The following CFAP54 variants were observed in gnomAD, a reference collection of about 807,000 sequenced individuals.
The protein encoded by CFAP54 is cilia and flagella associated protein 54.
In CFAP54, 290 loss-of-function variants were observed where a neutral mutation model predicts 370.4. That is an observed-to-expected ratio of 0.78 (90% CI 0.71 to 0.86). CFAP54 has a LOEUF of 0.86. CFAP54 is among the 40% of genes least tolerant of loss of function. The pLI, the probability that CFAP54 is intolerant of heterozygous loss-of-function variation, is 0.00. For synonymous variants in CFAP54, 1,206 were observed against 1,236.5 expected, an observed-to-expected ratio of 0.98 and a Z score of 0.52; for missense variants, 3,399 against 3,528.7, an observed-to-expected ratio of 0.96 and a Z score of 0.93.
At chr12:96,699,907 C>T (rs923090153) in intron 45 of CFAP54, 64 bp from the exon 46 acceptor site, 70 of 1,348,630 alleles carry the variant, frequency 5.2e-5, no homozygotes, top group Non-Finnish European at 6.7e-5. Flanking sequence ...TTTCTCTATA[C>T]TTTTGTTTTC....
chr12:96,613,626 A>C (rs1038582046), intron 26 of CFAP54, among the ~76,000 whole-genome samples: 4 of 152,218 alleles, frequency 2.6e-5, no homozygotes, highest in Non-Finnish European at 4.4e-5. Flanking sequence ...CACTACCAAG[A>C]CTAATAAAGA....
Position 96,817,869 on chromosome 12 carries a change from T to C in CFAP54, c.9052T>C (p.Tyr3018His), listed in dbSNP as rs1313302484. 1.3e-6 allele frequency: 2 copies of C among 1,511,332 alleles called. No individual in the cohort carries two copies. Among genetic ancestry groups the C allele is most frequent in the South Asian group, 1.2e-5 (1 of 80,412 alleles). 93.6% of individuals were successfully genotyped at this position (1,511,332 alleles called of 1,614,324 possible). The change falls in exon 65 of 68, where the codon TAT (tyrosine) becomes CAT (histidine). Residue 3018 changes from tyrosine (Y) to histidine (H), a missense_variant. By Grantham distance (83) the Tyr-to-His change is moderately conservative (BLOSUM62 2). This residue lies in a region of CFAP54 where 2,796 missense variants were observed against 2,869.7 expected (regional missense o/e 0.97). Coordinates refer to ENST00000524981, the MANE Select transcript of CFAP54 (RefSeq NM_001306084.2). ...TGAAATTACCTCAAATGAAAACATA[T>C]ATGAAGTAGAAGTGGAAGAGGAATC... ...APEITSNENI[Y>H]EVEVEEESVD... is the part of the protein sequence containing the mutation.
At chr12:96,698,567 T>G (rs1426379339) in intron 45 of CFAP54, among the ~76,000 whole-genome samples, 2 of 152,144 alleles carry the variant, frequency 1.3e-5, no homozygotes, top group African/African-American at 2.4e-5. Flanking sequence ...CTAAGCAGAC[T>G]AACCCAGGAA....
At chr12:96,513,722 G>A (rs1217560406) in intron 5 of CFAP54, among the ~76,000 whole-genome samples, 2 of 151,970 alleles carry the variant, frequency 1.3e-5, no homozygotes, top group Admixed American at 1.3e-4. Flanking sequence ...TAGCCTGGGT[G>A]ACAGAGCAAG....
intron 19 of CFAP54, among the ~76,000 whole-genome samples, chr12:96,566,347 C>G (rs911161516): frequency 1.4e-4 from 21 of 152,094 alleles, no homozygotes; most frequent in African/African-American, 4.8e-4. Flanking sequence ...AGGGACTGGC[C>G]AGCATCACTA....
intron 26 of CFAP54, among the ~76,000 whole-genome samples, chr12:96,621,198 C>T (rs1401433413): frequency 6.6e-6 from 1 of 152,138 alleles, no homozygotes; most frequent in East Asian, 1.9e-4. Context: ...TATGCCATTT[C>T]CTATAGAAAG....
intron 50 of CFAP54, among the ~76,000 whole-genome samples, chr12:96,734,573 G>A (rs1310300081): frequency 6.6e-6 from 1 of 151,932 alleles, no homozygotes; most frequent in Non-Finnish European, 1.5e-5. Context: ...CATCATTACT[G>A]CTTTATAGAT....
At chr12:96,492,737 A>T (rs1290783042) in intron 1 of CFAP54, among the ~76,000 whole-genome samples, 1 of 152,260 alleles carries the variant, frequency 6.6e-6, no homozygotes, top group Non-Finnish European at 1.5e-5. Context: ...TTACGCCTGT[A>T]ATCCCAGCAC....
At chr12:96,786,577 A>AAT in intron 61 of CFAP54, 98 bp from the exon 62 acceptor site, 1 of 820,210 alleles carries the variant, frequency 1.2e-6, no homozygotes, top group African/African-American at 1.7e-5. Context: ...CGGAGGTGGG[A>AAT]ATATGTAACG....
In CFAP54 at chr12:96,589,410, T is replaced by A. The variant is rs1205259547; in HGVS notation, c.3076-17T>A. On this transcript the variant is annotated splice_polypyrimidine_tract_variant and intron_variant, in intron 22 of 67. Transcript: ENST00000524981. ...CACGAATAAAACTATTACATAAATA[T>A]GTGCTTTTTGTTATAGGTTGCCTAT... The A allele has an allele frequency of 1.3e-6, 2 of 1,506,498 alleles. No individual in the cohort carries two copies. The highest frequency in any genetic ancestry group is 1.8e-6 in the Non-Finnish European group (2 of 1,124,658). 93.3% of individuals were successfully genotyped at this position (1,506,498 alleles called of 1,614,324 possible).
chr12:96,647,173 AT>A (rs1187039130), intron 33 of CFAP54: 1 of 151,962 alleles, frequency 6.6e-6, no homozygotes, highest in Non-Finnish European at 1.5e-5. Context: ...CCTAGACCTT[AT>A]TTTAAAAAAG....
chr12:96,663,148 G>A (rs1957014217), intron 38 of CFAP54, among the ~76,000 whole-genome samples: 1 of 152,128 alleles, frequency 6.6e-6, no homozygotes, highest in African/African-American at 2.4e-5. Context: ...GTTGTGGGAA[G>A]AAATTTGTAT....
At position 96,658,028 on chromosome 12, in the gene CFAP54, A is replaced by C. The variant is rs1453292925; in HGVS notation, c.5247A>C (p.Lys1749Asn). 1 of 1,613,998 alleles carries C rather than the reference A, an allele frequency of 6.2e-7. No homozygotes were observed. The highest frequency in any genetic ancestry group is 8.5e-7 in the Non-Finnish European group (1 of 1,179,952). ...DLKWIHDFVL[K>N]SLEVLYQVEK... ...AATGGATCCACGACTTTGTATTAAA[A>C]TCTCTGGAAGTTTTATATCAAGTGG... The change falls in exon 37 of 68, where the codon AAA becomes AAC. Residue 1749 changes from lysine (K) to asparagine (N), a missense_variant. By Grantham distance (94) the Lys-to-Asn change is moderately conservative. Coordinates refer to ENST00000524981, the MANE Select transcript of CFAP54 (RefSeq NM_001306084.2).
At chr12:96,746,046 G>A (rs767988990) in intron 55 of CFAP54, among the ~76,000 whole-genome samples, 8 of 152,052 alleles carry the variant, frequency 5.3e-5, no homozygotes, top group Non-Finnish European at 8.8e-5. Flanking sequence ...TTTTCTCAGG[G>A]GAGGAGCCTG....
At chr12:96,572,304 A>G (rs541507130) in intron 19 of CFAP54, among the ~76,000 whole-genome samples, 1 of 152,322 alleles carries the variant, frequency 6.6e-6, no homozygotes, top group South Asian at 2.1e-4. Flanking sequence ...TACATGGGCT[A>G]TCTTGGAAGA....
At position 96,521,927 on chromosome 12, in the gene CFAP54, C is replaced by T. The variant is rs769629447; in HGVS notation, c.1013C>T (p.Ser338Phe). 3 of 1,534,584 alleles carry T rather than the reference C, an allele frequency of 2.0e-6. No individual in the cohort carries two copies. Among genetic ancestry groups the T allele is most frequent in the East Asian group, 4.9e-5 (2 of 40,866 alleles). ...RQLELMSSSKSQEESRRYFRE... is the reference protein window; with the variant it reads ...RQLELMSSSKFQEESRRYFRE... ...CTGGAATTAATGAGTTCCTCAAAAT[C>T]CCAGGAAGAATCGCGAAGATATTTT... is the stretch of plus-strand genomic sequence containing the variant. The change falls in exon 7 of 68, where the codon TCC (serine) becomes TTC (phenylalanine). Residue 338 changes from serine (S) to phenylalanine (F), a missense_variant. Physicochemically the swap from Ser to Phe is radical, Grantham distance 155. Transcript: ENST00000524981.
intron 32 of CFAP54, among the ~76,000 whole-genome samples, chr12:96,641,631 A>G (rs1244943974): frequency 2.0e-5 from 3 of 152,178 alleles, no homozygotes; most frequent in Non-Finnish European, 4.4e-5. Flanking sequence ...ATGCACACGT[A>G]TGTTTATTGC....
At chr12:96,560,000 G>T (rs1369051442) in intron 17 of CFAP54, among the ~76,000 whole-genome samples, 2 of 151,744 alleles carry the variant, frequency 1.3e-5, no homozygotes, top group Non-Finnish European at 2.9e-5. Context: ...TTTTTAATTG[G>T]TATATAATAA....
At chr12:96,742,652 T>C in intron 52 of CFAP54, 66 bp downstream of exon 52, 1 of 1,367,548 alleles carries the variant, frequency 7.3e-7, no homozygotes, top group Non-Finnish European at 1.0e-6. Flanking sequence ...GAGGGGTTTA[T>C]TGGGATATAT....
Sources: gnomAD v4.1 joint callset for allele counts (sites outside exome capture counted in the v4.1 genomes callset) on GRCh38, gnomAD v4.1.1 for gene constraint, gnomAD v4.1.1 regional missense constraint, MANE v1.5 for transcripts, NCBI Gene and HGNC (gene_info 2026-07-23, HGNC 2026-07-21) for gene names.